Variants in JAZF1 observed in about 807,000 individuals in gnomAD.
JAZF1 encodes the protein juxtaposed with another zinc finger protein 1.
A neutral mutation model predicts 26.4 loss-of-function variants in JAZF1; 8 were observed. That is an observed-to-expected ratio of 0.30 (90% CI 0.18 to 0.55). JAZF1 has a LOEUF of 0.55. Ranked by LOEUF, JAZF1 falls within the 20% of genes least tolerant of loss-of-function variation. The pLI, the probability that JAZF1 is intolerant of heterozygous loss-of-function variation, is 0.94. For missense variants in JAZF1, 199 were observed against 322.0 expected, an observed-to-expected ratio of 0.62 and a Z score of 2.92; for synonymous variants, 126 against 122.3, an observed-to-expected ratio of 1.03 and a Z score of -0.20.
intron 2 of JAZF1, among the ~76,000 whole-genome samples, chr7:27,959,642 G>T (rs1462719895): frequency 6.6e-6 from 1 of 152,210 alleles, no homozygotes; most frequent in Non-Finnish European, 1.5e-5. Context: ...GCTCATGCCT[G>T]TAATCCCAGC....
chr7:28,029,097 T>C (rs1783142756), intron 1 of JAZF1, among the ~76,000 whole-genome samples: 1 of 152,128 alleles, frequency 6.6e-6, no homozygotes, highest in Non-Finnish European at 1.5e-5. Flanking sequence ...CTTGAAGTTT[T>C]TCACTTCTAA....
chr7:27,946,981 C>T (rs566091127), intron 2 of JAZF1, among the ~76,000 whole-genome samples: 9 of 152,316 alleles, frequency 5.9e-5, no homozygotes, highest in South Asian at 4.1e-4. Flanking sequence ...TGAGTAGCTA[C>T]GCTATGCCCA....
At chr7:27,970,213 A>G (rs1423617036) in intron 2 of JAZF1, among the ~76,000 whole-genome samples, 1 of 152,232 alleles carries the variant, frequency 6.6e-6, no homozygotes, top group Non-Finnish European at 1.5e-5. Flanking sequence ...GAAGTGTACA[A>G]TATATAAAAG....
At chr7:27,997,332 G>A (rs934456880) in intron 1 of JAZF1, among the ~76,000 whole-genome samples, 3 of 152,088 alleles carry the variant, frequency 2.0e-5, no homozygotes, top group Admixed American at 1.3e-4. Flanking sequence ...GAGAGCGCAG[G>A]GCTGAGAAAA....
intron 1 of JAZF1, among the ~76,000 whole-genome samples, chr7:28,002,950 T>C (rs1234496887): frequency 6.6e-6 from 1 of 152,132 alleles, no homozygotes; most frequent in Non-Finnish European, 1.5e-5. Flanking sequence ...ATGGAAGTCA[T>C]ACATGGTGAA....
At chr7:28,024,491 T>C (rs560205214) in intron 1 of JAZF1, among the ~76,000 whole-genome samples, 3 of 152,310 alleles carry the variant, frequency 2.0e-5, no homozygotes, top group African/African-American at 7.2e-5. Context: ...CATGTGTGTA[T>C]ACACACATAC....
chr7:27,868,005 T>C (rs1349236813), intron 3 of JAZF1, among the ~76,000 whole-genome samples: 1 of 152,198 alleles, frequency 6.6e-6, no homozygotes, highest in Non-Finnish European at 1.5e-5. Context: ...TCCATGTTGG[T>C]TTCTTCATGG....
At chr7:28,070,939 CAG>C (rs1438239371) in intron 1 of JAZF1, among the ~76,000 whole-genome samples, 3 of 152,222 alleles carry the variant, frequency 2.0e-5, no homozygotes, top group African/African-American at 7.2e-5. Context: ...ACTGCACACA[CAG>C]AGCAGACATT....
At chr7:28,094,767 T>A (rs11976956) in intron 1 of JAZF1, among the ~76,000 whole-genome samples, 7,933 of 151,806 alleles carry the variant, frequency 0.052, 685 homozygotes, top group African/African-American at 0.18. Context: ...AATTATTATT[T>A]TTTATTTTTT....
intron 2 of JAZF1, among the ~76,000 whole-genome samples, chr7:27,937,679 T>C (rs1366791189): frequency 6.6e-6 from 1 of 152,220 alleles, no homozygotes; most frequent in African/African-American, 2.4e-5. Context: ...TGGATGGATG[T>C]ATAACAACAG....
At position 27,832,213 on chromosome 7, in the gene JAZF1, A is replaced by T. The variant is rs1782718225; in HGVS notation, c.*587T>A. The T allele has an allele frequency of 4.7e-6, 1 of 213,020 alleles. No individual in the cohort carries two copies. Among genetic ancestry groups the T allele is most frequent in the Non-Finnish European group, 9.5e-6 (1 of 105,150 alleles). The allele number at this position is 213,020 out of a possible 1,614,324, so 13.2% of individuals were successfully genotyped here. On this transcript the variant is annotated 3_prime_UTR_variant, in exon 5 of 5. Coordinates refer to ENST00000283928, the MANE Select transcript of JAZF1 (RefSeq NM_175061.4). The stretch of plus-strand genomic sequence containing the variant: ...TTGCAAGATAATATAAAACACAGAA[A>T]GCACACCTTTACGTATGTTATTTAA...
chr7:27,912,219 G>C (rs906549873), intron 2 of JAZF1, among the ~76,000 whole-genome samples: 5 of 152,180 alleles, frequency 3.3e-5, no homozygotes, highest in African/African-American at 1.2e-4. Flanking sequence ...CCGCTGTGAA[G>C]GGTACTTTAC....
At position 28,172,162 on chromosome 7, in the gene JAZF1, A is replaced by G. The variant is rs375624800; in HGVS notation, c.115+8301T>C. ...GAATCCTCATATCACAATGACTTAT[A>G]TTCATATCATTTTCCACAGGGCAGA... On this transcript the variant is annotated intron_variant, in intron 1 of 4. Coordinates refer to ENST00000283928, the MANE Select transcript of JAZF1 (RefSeq NM_175061.4). Among the ~76,000 whole-genome samples the G allele has an allele frequency of 9.8e-5, 15 of 152,304 alleles. 1 individual carries two copies. The South Asian group carries it at 3.1e-3, about 32-fold the overall frequency.
chr7:27,976,777 C>T (rs1365536045), intron 2 of JAZF1, among the ~76,000 whole-genome samples: 2 of 151,758 alleles, frequency 1.3e-5, no homozygotes, highest in Non-Finnish European at 2.9e-5. Flanking sequence ...AAATAGAAGG[C>T]CAGTACACAC....
chr7:28,055,592 A>G (rs1431178192), intron 1 of JAZF1, among the ~76,000 whole-genome samples: 1 of 152,210 alleles, frequency 6.6e-6, no homozygotes, highest in Admixed American at 6.5e-5. Flanking sequence ...ATCTTTGTTT[A>G]TTATGGATTT....
intron 1 of JAZF1, among the ~76,000 whole-genome samples, chr7:28,142,511 G>A (rs1221826517): frequency 6.6e-6 from 1 of 152,172 alleles, no homozygotes; most frequent in Admixed American, 6.5e-5. Flanking sequence ...AGGCAATGGA[G>A]GAGGTGACTC....
chr7:27,973,752 C>T (rs555229342), intron 2 of JAZF1, among the ~76,000 whole-genome samples: 5 of 152,276 alleles, frequency 3.3e-5, no homozygotes, highest in East Asian at 1.9e-4. Flanking sequence ...AGAAGGAGTA[C>T]GCTGCAAGCC....
chr7:27,870,946 T>A (rs1222401299), intron 3 of JAZF1, among the ~76,000 whole-genome samples: 2 of 152,192 alleles, frequency 1.3e-5, no homozygotes, highest in Non-Finnish European at 2.9e-5. Flanking sequence ...TCCAGAGTAG[T>A]TAGCAATGCT....
intron 3 of JAZF1, among the ~76,000 whole-genome samples, chr7:27,862,121 T>C (rs1783394092): frequency 1.3e-5 from 2 of 152,266 alleles, no homozygotes; most frequent in Admixed American, 1.3e-4. Context: ...CCAGTTCTCC[T>C]GACTTCAGCC....
Sources: gnomAD v4.1 joint callset for allele counts (sites outside exome capture counted in the v4.1 genomes callset) on GRCh38, gnomAD v4.1.1 for gene constraint, MANE v1.5 for transcripts, NCBI Gene and HGNC (gene_info 2026-07-23, HGNC 2026-07-21) for gene names.